Variants in RASGRP1 observed in about 807,000 individuals in gnomAD.
RASGRP1 encodes the protein RAS guanyl-releasing protein 1.
RASGRP1 carries 37 observed loss-of-function variants against 95.1 expected under a neutral mutation model. That is an observed-to-expected ratio of 0.39 (90% CI 0.30 to 0.51). The LOEUF is 0.51. RASGRP1 is among the 20% of genes least tolerant of loss of function. RASGRP1 has a pLI of 0.80. For missense variants in RASGRP1, 711 were observed against 965.4 expected (o/e 0.74, Z 3.49); for synonymous variants, 325 against 353.4 (o/e 0.92, Z 0.90).
intron 11 of RASGRP1, 138 bp from the exon 12 acceptor site, chr15:38,502,559 T>A: frequency 1.6e-6 from 1 of 611,670 alleles, no homozygotes; most frequent in Admixed American, 2.9e-5. Context: ...AACCTGCTCC[T>A]TTAGCTGTGG....
intron 6 of RASGRP1, among the ~76,000 whole-genome samples, chr15:38,515,910 A>AGAGAGAGAGT (rs779224083): frequency 2.8e-5 from 4 of 143,546 alleles, no homozygotes; most frequent in African/African-American, 1.0e-4. Context: ...AGAGAGAGAG[A>AGAGAGAGAGT]GTGTGTGTGT....
At chr15:38,496,849 A>G (rs758879404) in intron 15 of RASGRP1, among the ~76,000 whole-genome samples, 4 of 152,258 alleles carry the variant, frequency 2.6e-5, no homozygotes, top group Non-Finnish European at 4.4e-5. Flanking sequence ...TAATTGATCA[A>G]TAAATGCATG....
rs5812039 is a variant in RASGRP1 at position 38,506,128 on chromosome 15, T to TACCTC, written c.1243-209_1243-208insGAGGT. Among the ~76,000 whole-genome samples the TACCTC allele has an allele frequency of 2.0e-4, 31 of 151,668 alleles. 1 individual carries two copies. The highest frequency in any genetic ancestry group is 7.3e-4 in the African/African-American group (30 of 41,312). On this transcript the variant is annotated intron_variant, in intron 9 of 16. Coordinates refer to ENST00000310803, the MANE Select transcript of RASGRP1 (RefSeq NM_005739.4). ...ATTGAAATGTTTTTAATTTTGGACA[T>TACCTC]AGGATGCCCTCTTTTTAACTATGAT...
At chr15:38,541,535 T>C (rs1892860021) in intron 2 of RASGRP1, among the ~76,000 whole-genome samples, 1 of 152,084 alleles carries the variant, frequency 6.6e-6, no homozygotes, top group South Asian at 2.1e-4. Flanking sequence ...GAGGCTGCAC[T>C]GAGCCGTGAT....
At chr15:38,515,352 C>G (rs2141120246) in intron 6 of RASGRP1, among the ~76,000 whole-genome samples, 2 of 152,290 alleles carry the variant, frequency 1.3e-5, no homozygotes, top group South Asian at 4.1e-4. Context: ...GAGGTGAAGA[C>G]TGTATCTGTT....
At chr15:38,531,779 G>A (rs902191054) in intron 2 of RASGRP1, among the ~76,000 whole-genome samples, 7 of 151,796 alleles carry the variant, frequency 4.6e-5, no homozygotes, top group Admixed American at 6.6e-5. Context: ...CCAGAACTCC[G>A]AGGTAACTCC....
At chr15:38,515,354 G>C (rs1017175327) in intron 6 of RASGRP1, among the ~76,000 whole-genome samples, 1 of 152,176 alleles carries the variant, frequency 6.6e-6, no homozygotes, top group East Asian at 1.9e-4. Context: ...GGTGAAGACT[G>C]TATCTGTTGG....
chr15:38,524,221 C>T (rs142304997), intron 3 of RASGRP1: 13 of 151,598 alleles, frequency 8.6e-5, no homozygotes, highest in East Asian at 3.9e-4. Context: ...CCCCTCTCCC[C>T]GCACCAATTT....
chr15:38,531,756 C>G (rs944316217), intron 2 of RASGRP1, among the ~76,000 whole-genome samples: 5 of 151,548 alleles, frequency 3.3e-5, no homozygotes, highest in African/African-American at 1.2e-4. Context: ...AACACTCTCT[C>G]TCTACACCCA....
At chr15:38,542,875 A>ATATATACACATATATGTG (rs1566933455) in intron 2 of RASGRP1, among the ~76,000 whole-genome samples, 73 of 141,536 alleles carry the variant, frequency 5.2e-4, no homozygotes, top group African/African-American at 1.6e-3. Flanking sequence ...ATATATGTGT[A>ATATATACACATATATGTG]TATATATACA....
At position 38,545,883 on chromosome 15, in the gene RASGRP1, T is replaced by C. The variant is rs551910074; in HGVS notation, c.220+13938A>G. 2.0e-5 allele frequency among the ~76,000 whole-genome samples: 3 copies of C among 152,346 alleles called. No individual in the cohort carries two copies. In the South Asian group the frequency reaches 6.2e-4, roughly 32 times the overall value. ...GGATTTCCATCATTGTCCTAATATT[T>C]TGAAAAATGAGAGACTTTTCAGGTC... On this transcript the variant is annotated intron_variant, in intron 2 of 16. Transcript: ENST00000310803.
At chr15:38,518,584 G>A (rs1364978137) in intron 4 of RASGRP1, among the ~76,000 whole-genome samples, 161 bp from the exon 5 acceptor site, 1 of 152,136 alleles carries the variant, frequency 6.6e-6, no homozygotes, top group Non-Finnish European at 1.5e-5. Context: ...GAGCAGGGAA[G>A]GAAGAAAACC....
At chr15:38,556,268 C>T (rs908120296) in intron 2 of RASGRP1, among the ~76,000 whole-genome samples, 6 of 152,150 alleles carry the variant, frequency 3.9e-5, no homozygotes, top group African/African-American at 1.4e-4. Flanking sequence ...GACTCAAGGC[C>T]GTAAGTTTCT....
At chr15:38,498,425 A>G (rs1595821121) in intron 15 of RASGRP1, among the ~76,000 whole-genome samples, 1 of 152,260 alleles carries the variant, frequency 6.6e-6, no homozygotes, top group Admixed American at 6.5e-5. Flanking sequence ...ACACACACAT[A>G]TACATATGCA....
intron 2 of RASGRP1, among the ~76,000 whole-genome samples, chr15:38,544,801 G>A (rs182464563): frequency 1.2e-3 from 188 of 152,374 alleles, no homozygotes; most frequent in Non-Finnish European, 1.9e-3. Context: ...GATTTGTAAA[G>A]TGCTCTCAGG....
At chr15:38,506,635 CAAAA>C (rs370153317) in intron 9 of RASGRP1, among the ~76,000 whole-genome samples, 1 of 71,614 alleles carries the variant, frequency 1.4e-5, no homozygotes, top group Non-Finnish European at 2.7e-5. Flanking sequence ...ACCTTGTCTC[CAAAA>C]AAAAAAAAAA....
chr15:38,536,277 C>G (rs567462426), intron 2 of RASGRP1, among the ~76,000 whole-genome samples: 44 of 152,248 alleles, frequency 2.9e-4, no homozygotes, highest in African/African-American at 9.9e-4. Context: ...GAAGGAGCAG[C>G]GGGGCCCTGT....
chr15:38,510,390 C>G (rs1192118778), intron 8 of RASGRP1, among the ~76,000 whole-genome samples: 1 of 152,194 alleles, frequency 6.6e-6, no homozygotes, highest in Admixed American at 6.5e-5. Context: ...TTGATCAGAC[C>G]ACTGGGAAGT....
intron 5 of RASGRP1, among the ~76,000 whole-genome samples, chr15:38,517,116 G>T (rs1389478770): frequency 6.6e-6 from 1 of 152,134 alleles, no homozygotes; most frequent in Non-Finnish European, 1.5e-5. Flanking sequence ...CAATGAGCTT[G>T]GGAAGTGCTA....
Sources: gnomAD v4.1 joint callset for allele counts (sites outside exome capture counted in the v4.1 genomes callset) on GRCh38, gnomAD v4.1.1 for gene constraint, MANE v1.5 for transcripts, NCBI Gene and HGNC (gene_info 2026-07-23, HGNC 2026-07-21) for gene names.